CDYL2: variants seen among roughly 807,000 people sequenced by gnomAD.
The protein encoded by CDYL2 is chromodomain Y-like protein 2.
In CDYL2, 23 loss-of-function variants were observed where a neutral mutation model predicts 49.4. The observed-to-expected ratio is 0.47, with a 90% CI of 0.34 to 0.66. The LOEUF (loss-of-function observed/expected upper bound fraction) is 0.66. Ranked by LOEUF, CDYL2 falls within the 30% of genes least tolerant of loss-of-function variation. The pLI is 0.01. For missense variants in CDYL2, 678 were observed against 656.4 expected (o/e 1.03, Z -0.36); for synonymous variants, 360 against 268.8 (o/e 1.34, Z -3.32).
Position 80,718,762 on chromosome 16 carries a change from G to T in CDYL2, c.25-33633C>A, listed in dbSNP as rs570817196. 1.2e-4 allele frequency among the ~76,000 whole-genome samples: 19 copies of T among 152,170 alleles called. No individual in the cohort carries two copies. The South Asian group carries it at 3.9e-3, about 32-fold the overall frequency. On this transcript the variant is annotated intron_variant, in intron 1 of 6. Coordinates refer to ENST00000570137, the MANE Select transcript of CDYL2 (RefSeq NM_152342.4). ...GGAGAACCCAGAACAATGGGCCAGA[G>T]GGCAGCATCCGGAAATCCTGCCCAG...
intron 1 of CDYL2, among the ~76,000 whole-genome samples, chr16:80,739,613 C>T (rs953691810): frequency 6.6e-6 from 1 of 152,108 alleles, no homozygotes; most frequent in African/African-American, 2.4e-5. Flanking sequence ...CAGAGAGACC[C>T]TAGCACTGCC....
intron 1 of CDYL2, among the ~76,000 whole-genome samples, chr16:80,721,747 A>G (rs1175939829): frequency 6.6e-6 from 1 of 152,196 alleles, no homozygotes; most frequent in Admixed American, 6.5e-5. Flanking sequence ...CCAGGACTGA[A>G]GCTGAGCAGT....
intron 6 of CDYL2, among the ~76,000 whole-genome samples, chr16:80,606,753 G>A (rs1906353651): frequency 6.6e-6 from 1 of 152,186 alleles, no homozygotes; most frequent in Non-Finnish European, 1.5e-5. Context: ...ATAATTCAAT[G>A]ACGGGGGCAG....
chr16:80,659,192 T>C (rs1288665232), intron 2 of CDYL2, among the ~76,000 whole-genome samples: 1 of 152,098 alleles, frequency 6.6e-6, no homozygotes, highest in Non-Finnish European at 1.5e-5. Context: ...AAATCTAACC[T>C]TGAAGAAACA....
intron 1 of CDYL2, among the ~76,000 whole-genome samples, chr16:80,799,817 C>G (rs1907872159): frequency 6.6e-6 from 1 of 152,200 alleles, no homozygotes; most frequent in Non-Finnish European, 1.5e-5. Flanking sequence ...ATTCCATATT[C>G]ATCAGGTGTC....
chr16:80,686,238 C>T (rs1910185464), intron 1 of CDYL2, among the ~76,000 whole-genome samples: 2 of 152,138 alleles, frequency 1.3e-5, no homozygotes, highest in African/African-American at 2.4e-5. Flanking sequence ...CGGAAAATGC[C>T]AGTCTCGATG....
chr16:80,761,926 C>CA (rs1906546479), intron 1 of CDYL2, among the ~76,000 whole-genome samples: 1 of 144,134 alleles, frequency 6.9e-6, no homozygotes, highest in South Asian at 2.3e-4. Context: ...CGGTGGTGCA[C>CA]AAAAATCCCA....
At chr16:80,711,424 G>A (rs928929780) in intron 1 of CDYL2, among the ~76,000 whole-genome samples, 2 of 152,206 alleles carry the variant, frequency 1.3e-5, no homozygotes, top group Admixed American at 6.5e-5. Context: ...CAAAGGTGGG[G>A]ACTGCTTTGA....
At chr16:80,732,469 T>C (rs1047258037) in intron 1 of CDYL2, among the ~76,000 whole-genome samples, 33 of 152,288 alleles carry the variant, frequency 2.2e-4, no homozygotes, top group South Asian at 2.1e-4. Flanking sequence ...AAAAAAGGTT[T>C]CTCTATAAAC....
chr16:80,616,581 A>C (rs572030279), intron 4 of CDYL2, among the ~76,000 whole-genome samples: 1 of 152,218 alleles, frequency 6.6e-6, no homozygotes, highest in East Asian at 1.9e-4. Context: ...CAAAGCTCAG[A>C]GCCAAGTCAG....
chr16:80,740,879 C>T (rs1278161843), intron 1 of CDYL2, among the ~76,000 whole-genome samples: 5 of 150,874 alleles, frequency 3.3e-5, no homozygotes, highest in Admixed American at 6.6e-5. Context: ...AATAGAGACA[C>T]TTCTATATTT....
chr16:80,613,342 T>G (rs1906686267), intron 4 of CDYL2, among the ~76,000 whole-genome samples: 2 of 152,204 alleles, frequency 1.3e-5, no homozygotes. Context: ...TGGAGGTATT[T>G]GCATTTTAGC....
chr16:80,632,962 C>A (rs1907633965), intron 3 of CDYL2, 57 bp downstream of exon 3: 4 of 1,519,480 alleles, frequency 2.6e-6, no homozygotes, highest in Non-Finnish European at 2.7e-6. Context: ...ATATTCCATT[C>A]TGAGTGAGAA....
intron 2 of CDYL2, among the ~76,000 whole-genome samples, chr16:80,678,699 T>C (rs1445754007): frequency 6.7e-6 from 1 of 149,840 alleles, no homozygotes; most frequent in African/African-American, 2.5e-5. Flanking sequence ...TGGAAGTCAG[T>C]GTGGCGATTC....
At position 80,608,292 on chromosome 16, in the gene CDYL2, A is replaced by G. The variant is rs1044713868; in HGVS notation, c.1219-57T>C. On this transcript the variant is annotated intron_variant, in intron 5 of 6. Coordinates refer to ENST00000570137, the MANE Select transcript of CDYL2 (RefSeq NM_152342.4). ...GCCTGGAGGTCCACCCATGTCCCTC[A>G]GCTGGTCCAGGGCTTGCCACCTGCA... 4 of 1,492,660 alleles carry G rather than the reference A, an allele frequency of 2.7e-6. No homozygotes were observed. In the Admixed American group the frequency reaches 6.6e-5, roughly 25 times the overall value. 92.5% of individuals were successfully genotyped at this position (1,492,660 alleles called of 1,614,324 possible). A position where few individuals can be genotyped will look rare whatever the true frequency, so the allele number is the denominator to read the frequency against.
rs1422728200 is a variant in CDYL2 at position 80,702,712 on chromosome 16, T to G, written c.25-17583A>C. Among the ~76,000 whole-genome samples the G allele has an allele frequency of 3.9e-5, 6 of 152,340 alleles. No homozygotes were observed. In the East Asian group the frequency reaches 1.2e-3, roughly 29 times the overall value. On this transcript the variant is annotated intron_variant, in intron 1 of 6. Coordinates refer to ENST00000570137, the MANE Select transcript of CDYL2 (RefSeq NM_152342.4). ...TTGCAGTGGGCTATGATCGTACCAC[T>G]GCATTCCAGCCTGGGTGACAGAGTA... is the stretch of plus-strand genomic sequence containing the variant.
intron 1 of CDYL2, among the ~76,000 whole-genome samples, chr16:80,784,940 T>A (rs1480707193): frequency 6.6e-6 from 1 of 151,966 alleles, no homozygotes; most frequent in African/African-American, 2.4e-5. Flanking sequence ...AGAGACAGCA[T>A]GAGCAAAGGT....
chr16:80,649,519 C>A (rs1394027622), intron 2 of CDYL2, among the ~76,000 whole-genome samples: 2 of 152,022 alleles, frequency 1.3e-5, no homozygotes, highest in Non-Finnish European at 2.9e-5. Context: ...TTTAAAGAAT[C>A]AATATTGTTA....
intron 2 of CDYL2, among the ~76,000 whole-genome samples, chr16:80,642,083 C>T (rs1369648207): frequency 1.3e-5 from 2 of 152,064 alleles, no homozygotes; most frequent in African/African-American, 4.8e-5. Flanking sequence ...CTCTTCAAGA[C>T]ATAGTACAAT....
Sources: allele counts gnomAD v4.1 joint callset (sites outside exome capture counted in the v4.1 genomes callset), GRCh38; gene constraint gnomAD v4.1.1; transcripts MANE v1.5; gene names NCBI Gene and HGNC (gene_info 2026-07-23, HGNC 2026-07-21).